PDCD6IP: variants seen among roughly 807,000 people sequenced by gnomAD.
PDCD6IP encodes the protein programmed cell death 6-interacting protein.
In PDCD6IP, 43 loss-of-function variants were observed where a neutral mutation model predicts 103.7. That is an observed-to-expected ratio of 0.41 (90% CI 0.32 to 0.53). The LOEUF (loss-of-function observed/expected upper bound fraction) is 0.53. Among genes scored for constraint, PDCD6IP ranks in the 20% least tolerant of loss-of-function variants. The pLI is 0.16. For missense variants in PDCD6IP, 871 were observed against 1,036.7 expected (o/e 0.84, Z 2.20); for synonymous variants, 354 against 378.7 (o/e 0.93, Z 0.76).
At position 33,798,897 on chromosome 3, in the gene PDCD6IP, C is replaced by G. The variant is rs759005984; in HGVS notation, c.169C>G (p.Pro57Ala). 2 of 1,547,004 alleles carry G rather than the reference C, an allele frequency of 1.3e-6. No homozygotes were observed. The highest frequency in any genetic ancestry group is 2.5e-5 in the East Asian group (1 of 40,794). Reference protein sequence around the residue: ...SKLRRAAVGRPLDKHEGALET... With the variant: ...SKLRRAAVGRALDKHEGALET... ...GCTGCGCCGCGCCGCAGTCGGTCGT[C>G]CGCTGGACAAGCACGAGGGCGCGCT... is the stretch of plus-strand genomic sequence containing the variant. Residue 57 changes from proline to alanine, a missense_variant, in exon 1 of 18, where the codon CCG becomes GCG. Around this residue, in one of 5 missense-constraint regions of PDCD6IP, gnomAD observed 114 missense variants for 106.7 expected, o/e 1.07. Transcript: ENST00000307296.
At position 33,864,010 on chromosome 3, in the gene PDCD6IP, T is replaced by C; in HGVS notation, c.2125T>C (p.Leu709=). The stretch of plus-strand genomic sequence containing the variant: ...TAACACTCTGTCTTTGATAAGGGAC[T>C]TGCAACAAAGCATTGCCAGAGAACC... The part of the protein sequence containing the change: ...KTERDELLKD[L]QQSIAREPSA... The change falls in exon 16 of 18, where the codon TTG becomes CTG. Residue 709 remains leucine (L), a synonymous_variant. Transcript: ENST00000307296. The C allele has an allele frequency of 6.2e-7, 1 of 1,611,198 alleles. No homozygotes were observed. Among genetic ancestry groups the C allele is most frequent in the Non-Finnish European group, 8.5e-7 (1 of 1,177,512 alleles).
intron 12 of PDCD6IP, among the ~76,000 whole-genome samples, chr3:33,846,819 G>A (rs1254677763): frequency 1.3e-5 from 2 of 152,134 alleles, no homozygotes; most frequent in East Asian, 3.9e-4. Flanking sequence ...AGTGTTTGAA[G>A]GCCTACTATT....
intron 13 of PDCD6IP, among the ~76,000 whole-genome samples, chr3:33,853,577 G>A (rs1559795402): frequency 6.6e-6 from 1 of 151,922 alleles, no homozygotes; most frequent in Non-Finnish European, 1.5e-5. Context: ...ATCTATATAT[G>A]ATATAAAATA....
At chr3:33,823,723 A>G (rs1194591761) in intron 4 of PDCD6IP, among the ~76,000 whole-genome samples, 3 of 152,232 alleles carry the variant, frequency 2.0e-5, no homozygotes, top group Non-Finnish European at 4.4e-5. Flanking sequence ...CGGAGGTTGC[A>G]GAGAGCTGAG....
chr3:33,864,614 G>T (rs1012704095), intron 16 of PDCD6IP, among the ~76,000 whole-genome samples: 1 of 152,126 alleles, frequency 6.6e-6, no homozygotes, highest in African/African-American at 2.4e-5. Context: ...TTAATTAGGG[G>T]AAAATTGAAT....
chr3:33,865,671 CT>C (rs1406523750), intron 17 of PDCD6IP, among the ~76,000 whole-genome samples: 10 of 152,048 alleles, frequency 6.6e-5, no homozygotes, highest in Non-Finnish European at 1.3e-4. Flanking sequence ...ATTAAATAAT[CT>C]TTTCTGTATT....
chr3:33,827,219 T>A, intron 6 of PDCD6IP: 1 of 974,080 alleles, frequency 1.0e-6, no homozygotes, highest in Non-Finnish European at 1.2e-6. Context: ...ACAAAGCAAA[T>A]CACTAGTAAA....
At chr3:33,821,820 A>G in intron 3 of PDCD6IP, 135 bp from the exon 4 acceptor site, 1 of 744,526 alleles carries the variant, frequency 1.3e-6, no homozygotes, top group South Asian at 2.0e-5. Flanking sequence ...AGCATATGAC[A>G]GCAAGAAAAC....
chr3:33,813,518 G>A, intron 2 of PDCD6IP, 41 bp from the exon 3 acceptor site: 1 of 1,213,718 alleles, frequency 8.2e-7, no homozygotes, highest in Non-Finnish European at 1.2e-6. Flanking sequence ...ATGAGATTCA[G>A]GAAGGTTACC....
chr3:33,833,380 C>T (rs778195779), intron 7 of PDCD6IP, among the ~76,000 whole-genome samples: 1 of 152,046 alleles, frequency 6.6e-6, no homozygotes, highest in African/African-American at 2.4e-5. Context: ...TAATTTGTAA[C>T]AGCCTCCTCC....
intron 12 of PDCD6IP, among the ~76,000 whole-genome samples, chr3:33,848,359 C>G (rs1276939601): frequency 6.6e-6 from 1 of 151,794 alleles, no homozygotes; most frequent in African/African-American, 2.4e-5. Context: ...AATAAAATGA[C>G]AAGGTTATAA....
rs187798074 is a variant in PDCD6IP, at chr3:33,865,498, A to G, written c.2432+68A>G. ...TTCTAGGCTCTGGCTAACCTGTTAA[A>G]AACAGGGTCATCCCTTCTCCAAATG... On this transcript the variant is annotated intron_variant, in intron 17 of 17. Coordinates refer to ENST00000307296, the MANE Select transcript of PDCD6IP (RefSeq NM_013374.6). 444 of 1,302,554 alleles carry G rather than the reference A, an allele frequency of 3.4e-4. 1 individual carries two copies. In the African/African-American group the frequency reaches 6.1e-3, roughly 18 times the overall value. 80.7% of individuals were successfully genotyped at this position (1,302,554 alleles called of 1,614,324 possible). A position where few individuals can be genotyped will look rare whatever the true frequency, so the allele number is the denominator to read the frequency against.
chr3:33,863,754 C>T (rs1399623862), intron 15 of PDCD6IP: 3 of 438,590 alleles, frequency 6.8e-6, no homozygotes, highest in Non-Finnish European at 1.2e-5. Context: ...ATATGGATAT[C>T]CTTTCTTTAG....
chr3:33,848,736 G>C (rs1297628413), intron 12 of PDCD6IP, among the ~76,000 whole-genome samples: 2 of 152,138 alleles, frequency 1.3e-5, no homozygotes, highest in Non-Finnish European at 2.9e-5. Context: ...TATTGTACTT[G>C]GTGCTGTTAA....
chr3:33,818,021 A>G (rs1696894307), intron 3 of PDCD6IP, among the ~76,000 whole-genome samples: 1 of 151,860 alleles, frequency 6.6e-6, no homozygotes, highest in Non-Finnish European at 1.5e-5. Flanking sequence ...TTTATGGGCA[A>G]CATAATAGAC....
At chr3:33,808,652 T>A (rs559319248) in intron 1 of PDCD6IP, among the ~76,000 whole-genome samples, 3 of 152,322 alleles carry the variant, frequency 2.0e-5, no homozygotes, top group Admixed American at 6.5e-5. Context: ...TTGACTGGAT[T>A]ACTACGGTAG....
At chr3:33,799,217 T>C (rs1039265748) in intron 1 of PDCD6IP, 2 of 397,792 alleles carry the variant, frequency 5.0e-6, no homozygotes, top group African/African-American at 4.1e-5. Flanking sequence ...TGCCCTGTAC[T>C]GATCTCTTTT....
chr3:33,865,218 A>C, intron 16 of PDCD6IP, 25 bp from the exon 17 acceptor site: 6 of 1,476,264 alleles, frequency 4.1e-6, no homozygotes, highest in Non-Finnish European at 4.5e-6. Context: ...AACATTTTAT[A>C]GTCAATGCTG....
chr3:33,830,206 A>G (rs376880305), intron 7 of PDCD6IP, among the ~76,000 whole-genome samples: 60 of 152,268 alleles, frequency 3.9e-4, no homozygotes, highest in African/African-American at 1.4e-3. Context: ...AATCAGAGAA[A>G]GTCTTTTTAA....
Sources: allele counts gnomAD v4.1 joint callset (sites outside exome capture counted in the v4.1 genomes callset), GRCh38; gene constraint gnomAD v4.1.1; regional missense constraint gnomAD v4.1.1; transcripts MANE v1.5; gene names NCBI Gene and HGNC (gene_info 2026-07-23, HGNC 2026-07-21).